MAPK4: variants seen among roughly 807,000 people sequenced by gnomAD.
MAPK4 encodes the protein mitogen-activated protein kinase 4, also known as Erk3-related.
In MAPK4, 22 loss-of-function variants were observed where a neutral mutation model predicts 47.7. That is an observed-to-expected ratio of 0.46 (90% CI 0.33 to 0.66). MAPK4 has a LOEUF of 0.66. MAPK4 is among the 30% of genes least tolerant of loss of function. MAPK4 has a pLI of 0.02. For synonymous variants in MAPK4, 390 were observed against 365.7 expected (o/e 1.07, Z -0.76); for missense variants, 736 against 831.7 (o/e 0.88, Z 1.42).
rs570211685 is a variant in MAPK4, at chr18:50,695,366, A to G, written c.547-19713A>G. On this transcript the variant is annotated intron_variant, in intron 2 of 5. Transcript: ENST00000400384. ...AAAAAAAAAAAAAAAAAAAAAAAAGATAGACTCAAGTCTTAGCACATCAGG... is the reference window on the plus strand; with the variant it reads ...AAAAAAAAAAAAAAAAAAAAAAAAGGTAGACTCAAGTCTTAGCACATCAGG... Among the ~76,000 whole-genome samples, 219 of 143,464 alleles carry G rather than the reference A, an allele frequency of 1.5e-3. 1 individual carries two copies. The highest frequency in any genetic ancestry group is 3.0e-3 in the Non-Finnish European group (196 of 65,768). The allele number at this position is 143,464 out of a possible 152,430, so 94.1% of individuals were successfully genotyped here.
In MAPK4 at chr18:50,729,588, A is replaced by T; in HGVS notation, c.1498A>T (p.Thr500Ser). The part of the protein sequence containing the change: ...FLEIAQWVKS[T>S]QGGPEHASPP... ...GGAGATCGCGCAGTGGGTCAAGAGC[A>T]CGCAGGGCGGCCCAGAGCACGCCAG... The change falls in exon 6 of 6, where the codon ACG becomes TCG. Residue 500 changes from threonine to serine, a missense_variant. Transcript: ENST00000400384. The T allele has an allele frequency of 7.1e-7, 1 of 1,407,664 alleles. No homozygotes were observed. Among genetic ancestry groups the T allele is most frequent in the Non-Finnish European group, 9.2e-7 (1 of 1,081,998 alleles). 87.2% of individuals were successfully genotyped at this position (1,407,664 alleles called of 1,614,324 possible).
At chr18:50,661,119 A>G (rs894873173) in intron 1 of MAPK4, among the ~76,000 whole-genome samples, 6 of 152,230 alleles carry the variant, frequency 3.9e-5, no homozygotes, top group African/African-American at 1.4e-4. Flanking sequence ...CAGAAGCTGG[A>G]AAGGAAGAAG....
At position 50,722,104 on chromosome 18, in the gene MAPK4, C is replaced by T. The variant is rs563438943; in HGVS notation, c.853+5C>T. On this transcript the variant is annotated splice_donor_5th_base_variant and intron_variant, in intron 4 of 5. Coordinates refer to ENST00000400384, the MANE Select transcript of MAPK4 (RefSeq NM_002747.4). Reference sequence around the variant, plus strand: ...TCCCTGAAGTGAACAGTGAAGGTACCTGAGCCTGGCAGCCAGGCCAAGTGT... The same window carrying T: ...TCCCTGAAGTGAACAGTGAAGGTACTTGAGCCTGGCAGCCAGGCCAAGTGT... 37 of 1,608,060 alleles carry T rather than the reference C, an allele frequency of 2.3e-5. No homozygotes were observed. In the South Asian group the frequency reaches 3.9e-4, roughly 17 times the overall value.
rs1052639060 is a variant in MAPK4 at position 50,620,257 on chromosome 18, G to A, written c.-870-42832G>A. On this transcript the variant is annotated intron_variant, in intron 1 of 5. Transcript: ENST00000400384. ...TTATAGGAGAAGAGCAAAATGGGACGCAAGAGGACCCATGACTTGTGAAGA... is the reference window on the plus strand; with the variant it reads ...TTATAGGAGAAGAGCAAAATGGGACACAAGAGGACCCATGACTTGTGAAGA... Among the ~76,000 whole-genome samples, 6 of 152,170 alleles carry A rather than the reference G, an allele frequency of 3.9e-5. 1 individual carries two copies. Among genetic ancestry groups the A allele is most frequent in the South Asian group, 4.1e-4 (2 of 4,826 alleles).
At chr18:50,606,658 G>A (rs539828806) in intron 1 of MAPK4, among the ~76,000 whole-genome samples, 87 of 152,286 alleles carry the variant, frequency 5.7e-4, no homozygotes, top group African/African-American at 2.0e-3. Context: ...TTTTCTTAAA[G>A]GACTAGGTAG....
chr18:50,646,559 G>A (rs1281557949), intron 1 of MAPK4, among the ~76,000 whole-genome samples: 1 of 152,124 alleles, frequency 6.6e-6, no homozygotes, highest in Non-Finnish European at 1.5e-5. Flanking sequence ...GAGGGACGGG[G>A]GCTGCAAAGA....
chr18:50,662,624 C>T (rs1191099898), intron 1 of MAPK4, among the ~76,000 whole-genome samples: 1 of 152,156 alleles, frequency 6.6e-6, no homozygotes, highest in African/African-American at 2.4e-5. Context: ...TTAAAATGTT[C>T]AAAGACATTT....
intron 1 of MAPK4, among the ~76,000 whole-genome samples, chr18:50,600,540 A>G (rs975198594): frequency 1.3e-5 from 2 of 152,196 alleles, no homozygotes. Flanking sequence ...ACACTCATGC[A>G]TAGCCATGAC....
intron 1 of MAPK4, among the ~76,000 whole-genome samples, chr18:50,662,406 C>T (rs763323444): frequency 7.2e-5 from 11 of 152,150 alleles, no homozygotes; most frequent in Non-Finnish European, 1.6e-4. Context: ...CTTTGAAGAG[C>T]GAGGTCACAT....
intron 2 of MAPK4, among the ~76,000 whole-genome samples, chr18:50,672,622 C>T (rs1908021437): frequency 1.3e-5 from 2 of 152,122 alleles, no homozygotes; most frequent in South Asian, 4.2e-4. Flanking sequence ...ACACCCAGGC[C>T]ACCCTTCCGG....
intron 1 of MAPK4, among the ~76,000 whole-genome samples, chr18:50,562,390 A>G (rs1448645846): frequency 6.8e-6 from 1 of 147,666 alleles, no homozygotes; most frequent in African/African-American, 2.5e-5. Context: ...GATTTTCTCA[A>G]ATAAACTTCA....
intron 2 of MAPK4, chr18:50,704,865 C>A (rs1598933564): frequency 5.0e-6 from 2 of 398,136 alleles, no homozygotes; most frequent in East Asian, 7.1e-5. Flanking sequence ...TGAGGAGCAC[C>A]CCAAGCACAT....
intron 2 of MAPK4, among the ~76,000 whole-genome samples, chr18:50,676,889 A>G (rs1168883332): frequency 6.6e-6 from 1 of 152,210 alleles, no homozygotes. Context: ...AAAATAACTA[A>G]ACATTTTTTT....
At chr18:50,564,620 A>G (rs1395059708) in intron 1 of MAPK4, among the ~76,000 whole-genome samples, 1 of 152,250 alleles carries the variant, frequency 6.6e-6, no homozygotes, top group Non-Finnish European at 1.5e-5. Context: ...AGAACTTTTC[A>G]TATAAGTAAT....
At chr18:50,588,467 T>C (rs1175499195) in intron 1 of MAPK4, among the ~76,000 whole-genome samples, 2 of 152,212 alleles carry the variant, frequency 1.3e-5, no homozygotes, top group African/African-American at 4.8e-5. Context: ...AGCCCCAGAA[T>C]GAGCATCATT....
intron 1 of MAPK4, among the ~76,000 whole-genome samples, chr18:50,660,052 C>T (rs1356317497): frequency 1.3e-5 from 2 of 152,336 alleles, no homozygotes; most frequent in Admixed American, 1.3e-4. Context: ...AAATGGACCA[C>T]TAACCTTAGA....
At chr18:50,672,819 G>T (rs1436201923) in intron 2 of MAPK4, among the ~76,000 whole-genome samples, 1 of 152,216 alleles carries the variant, frequency 6.6e-6, no homozygotes, top group African/African-American at 2.4e-5. Flanking sequence ...GGGGCTTGGA[G>T]TAGTGGCTAT....
Position 50,643,288 on chromosome 18 carries a change from G to A in MAPK4, c.-870-19801G>A, listed in dbSNP as rs143408777. Among the ~76,000 whole-genome samples, 365 of 152,330 alleles carry A rather than the reference G, an allele frequency of 2.4e-3. 2 individuals carry two copies. The highest frequency in any genetic ancestry group is 7.7e-3 in the African/African-American group (321 of 41,580). ...AGCACTTTGGGAGGCTGAGGCAGGCGGATCACTCAAGGTCAGGAGTTTGAG... is the reference window on the plus strand; with the variant it reads ...AGCACTTTGGGAGGCTGAGGCAGGCAGATCACTCAAGGTCAGGAGTTTGAG... On this transcript the variant is annotated intron_variant, in intron 1 of 5. Transcript: ENST00000400384.
intron 1 of MAPK4, among the ~76,000 whole-genome samples, chr18:50,653,144 G>A (rs1485219292): frequency 1.3e-5 from 2 of 151,754 alleles, no homozygotes; most frequent in Non-Finnish European, 2.9e-5. Flanking sequence ...AGCTATGATC[G>A]AGCCACTGCA....
Sources: gnomAD v4.1 joint callset for allele counts (sites outside exome capture counted in the v4.1 genomes callset) on GRCh38, gnomAD v4.1.1 for gene constraint, MANE v1.5 for transcripts, NCBI Gene and HGNC (gene_info 2026-07-23, HGNC 2026-07-21) for gene names.